The following ELMOD3 variants were observed in gnomAD, a reference collection of about 807,000 sequenced individuals.
ELMOD3 encodes ELMO domain-containing protein 3.
ELMOD3 carries 36 observed loss-of-function variants against 47.4 expected under a neutral mutation model. That is an observed-to-expected ratio of 0.76 (90% CI 0.58 to 1.00). The LOEUF (loss-of-function observed/expected upper bound fraction) is 1.00. ELMOD3 is among the 50% of genes least tolerant of loss of function. ELMOD3 has a pLI of 0.00. For synonymous variants in ELMOD3, 149 were observed against 183.5 expected, an observed-to-expected ratio of 0.81 and a Z score of 1.52; for missense variants, 404 against 463.8, an observed-to-expected ratio of 0.87 and a Z score of 1.18.
chr2:85,385,078 C>A (rs910065039), intron 11 of ELMOD3, among the ~76,000 whole-genome samples: 1 of 152,072 alleles, frequency 6.6e-6, no homozygotes, highest in African/African-American at 2.4e-5. Flanking sequence ...GGGTAGCTGT[C>A]ATGAGAGAGT....
chr2:85,391,734 A>G lies in ELMOD3; in HGVS notation c.*772A>G, dbSNP rs144303912. ...AATTCATACCAGCAGTTTTCAAATA[A>G]AAGAATTGTTCTAATTAAGCGTCTC... On this transcript the variant is annotated 3_prime_UTR_variant, in exon 14 of 14. Coordinates refer to ENST00000409013, the MANE Select transcript of ELMOD3 (RefSeq NM_001135022.2). The G allele has an allele frequency of 6.5e-6, 1 of 152,746 alleles. No individual in the cohort carries two copies. The highest frequency in any genetic ancestry group is 2.4e-5 in the African/African-American group (1 of 41,562). The allele number at this position is 152,746 out of a possible 1,614,324, so 9.5% of individuals were successfully genotyped here.
intron 11 of ELMOD3, among the ~76,000 whole-genome samples, chr2:85,389,382 T>G (rs566470782): frequency 2.6e-5 from 4 of 152,324 alleles, no homozygotes; most frequent in Middle Eastern, 3.4e-3. Context: ...CACTTCTGTC[T>G]TCATCCTGAC....
intron 11 of ELMOD3, 110 bp from the exon 12 acceptor site, chr2:85,389,641 C>A: frequency 1.3e-6 from 1 of 769,144 alleles, no homozygotes; most frequent in Non-Finnish European, 2.2e-6. Context: ...ATAATAATAT[C>A]AGCTGTTGCC....
At chr2:85,366,267 G>A (rs777525719) in intron 6 of ELMOD3, among the ~76,000 whole-genome samples, 1 of 151,854 alleles carries the variant, frequency 6.6e-6, no homozygotes, top group Non-Finnish European at 1.5e-5. Context: ...CACCGCACCC[G>A]GCCTACTCTT....
chr2:85,390,961 G>T lies in ELMOD3; in HGVS notation c.1145G>T (p.Ter382LeuextTer4). ...SHSSEGVWLI[*>L] The stretch of plus-strand genomic sequence containing the variant: ...TCATCCGAAGGCGTATGGCTGATCT[G>T]ACCTCCGAGATGAATGGAGGCTTAA... The change falls in exon 14 of 14, where the codon TGA becomes TTA. Residue 382 changes from the stop codon to leucine (L), a stop_lost. Coordinates refer to ENST00000409013, the MANE Select transcript of ELMOD3 (RefSeq NM_001135022.2). 1.3e-6 allele frequency: 2 copies of T among 1,550,122 alleles called. No homozygotes were observed. Among genetic ancestry groups the T allele is most frequent in the South Asian group, 2.4e-5 (2 of 83,980 alleles).
chr2:85,389,872 T>G, intron 12 of ELMOD3, 45 bp downstream of exon 12: 1 of 1,556,482 alleles, frequency 6.4e-7, no homozygotes, highest in East Asian at 2.2e-5. Flanking sequence ...CAGCAAAGCC[T>G]TGTTCGTCCC....
rs2104464365 is a variant in ELMOD3 at position 85,357,010 on chromosome 2, C to G, written c.-189C>G. On this transcript the variant is annotated 5_prime_UTR_variant, in exon 4 of 14. Transcript: ENST00000409013. The stretch of plus-strand genomic sequence containing the variant: ...CTCAGAGGACTTCTCTCAGCACTCA[C>G]AGAAACCTCCTACACCCTCGGATGG... 4.1e-6 allele frequency: 2 copies of G among 485,498 alleles called. No individual in the cohort carries two copies. The highest frequency in any genetic ancestry group is 7.3e-6 in the Non-Finnish European group (2 of 273,726). 30.1% of individuals were successfully genotyped at this position (485,498 alleles called of 1,614,324 possible).
chr2:85,364,819 ATATATATTTT>A (rs1335563031), intron 6 of ELMOD3, among the ~76,000 whole-genome samples: 258 of 88,390 alleles, frequency 2.9e-3, no homozygotes, highest in African/African-American at 0.014. Context: ...ATATATATAT[ATATATATTTT>A]TTTTTTTTTT....
At chr2:85,364,574 C>T (rs1573094221) in intron 6 of ELMOD3, among the ~76,000 whole-genome samples, 1 of 147,514 alleles carries the variant, frequency 6.8e-6, no homozygotes, top group East Asian at 2.0e-4. Context: ...CAAAGCAAGA[C>T]TCCATCTCAA....
chr2:85,357,278 AGGT>A, intron 4 of ELMOD3, 26 bp downstream of exon 4: 2 of 1,519,952 alleles, frequency 1.3e-6, no homozygotes, highest in Non-Finnish European at 1.8e-6. Context: ...TATTTGGGAA[AGGT>A]GGTGTTGGTT....
intron 4 of ELMOD3, among the ~76,000 whole-genome samples, chr2:85,359,184 G>A (rs1422153528): frequency 6.6e-6 from 1 of 151,950 alleles, no homozygotes; most frequent in African/African-American, 2.4e-5. Flanking sequence ...TAAACATGTC[G>A]GTTTTGCACA....
intron 3 of ELMOD3, 109 bp from the exon 4 acceptor site, chr2:85,356,858 G>A (rs1157404006): frequency 6.2e-6 from 1 of 162,108 alleles, no homozygotes; most frequent in African/African-American, 2.4e-5. Flanking sequence ...TCCAGCCTGG[G>A]CAACAGGGCA....
chr2:85,387,629 T>TG (rs1202741810), intron 11 of ELMOD3, among the ~76,000 whole-genome samples: 9 of 140,110 alleles, frequency 6.4e-5, no homozygotes, highest in Non-Finnish European at 9.0e-5. Flanking sequence ...GCCACTGCCC[T>TG]GCACTCCAGC....
chr2:85,377,366 G>C lies in ELMOD3; in HGVS notation c.630G>C (p.Leu210=), dbSNP rs763092134. The C allele has an allele frequency of 1.3e-4, 215 of 1,607,286 alleles. No homozygotes were observed. The highest frequency in any genetic ancestry group is 1.1e-4 in the Non-Finnish European group (134 of 1,176,802). The change falls in exon 11 of 14, where the codon CTG becomes CTC. Residue 210 remains leucine (L), a synonymous_variant. Transcript: ENST00000409013. The part of the protein sequence containing the change: ...GFQGANPATD[L]RGAGFLALLH... ...CAGGAGCGAATCCAGCCACAGACCT[G>C]AGAGGCGCAGGCTTCCTTGCCCTCC...
chr2:85,368,777 C>T, intron 7 of ELMOD3, 23 bp downstream of exon 7: 1 of 1,613,528 alleles, frequency 6.2e-7, no homozygotes, highest in Non-Finnish European at 8.5e-7. Context: ...ATGCTGCTGT[C>T]TCCCCATAGC....
At chr2:85,364,636 C>G (rs1684223893) in intron 6 of ELMOD3, among the ~76,000 whole-genome samples, 1 of 150,758 alleles carries the variant, frequency 6.6e-6, no homozygotes, top group Admixed American at 6.6e-5. Flanking sequence ...TGATCCTCAC[C>G]TTATCCTCCT....
intron 7 of ELMOD3, among the ~76,000 whole-genome samples, chr2:85,368,957 A>AG (rs1168801366): frequency 7.2e-5 from 11 of 152,212 alleles, no homozygotes; most frequent in Admixed American, 7.2e-4. Flanking sequence ...ACCAGAGTGA[A>AG]GGCCATGGAG....
At chr2:85,375,462 C>T (rs1197607118) in intron 10 of ELMOD3, among the ~76,000 whole-genome samples, 1 of 152,128 alleles carries the variant, frequency 6.6e-6, no homozygotes, top group East Asian at 1.9e-4. Context: ...CTGTTGTCTC[C>T]GTTCTCCTGT....
At chr2:85,360,406 T>G (rs888814031) in intron 4 of ELMOD3, among the ~76,000 whole-genome samples, 3 of 150,574 alleles carry the variant, frequency 2.0e-5, no homozygotes, top group Non-Finnish European at 3.0e-5. Context: ...CAGGCTGGAG[T>G]GCGGTGGCGT....
Sources: gnomAD v4.1 joint callset for allele counts (sites outside exome capture counted in the v4.1 genomes callset) on GRCh38, gnomAD v4.1.1 for gene constraint, MANE v1.5 for transcripts, NCBI Gene and HGNC (gene_info 2026-07-23, HGNC 2026-07-21) for gene names.